E2F8: variants seen among roughly 807,000 people sequenced by gnomAD.
E2F8 encodes the protein E2F transcription factor 8.
E2F8 carries 35 observed loss-of-function variants against 80.8 expected under a neutral mutation model. The observed-to-expected ratio is 0.43, with a 90% CI of 0.33 to 0.57. The LOEUF (loss-of-function observed/expected upper bound fraction) is 0.57, where lower values mean the gene tolerates loss of function less well. Among genes scored for constraint, E2F8 ranks in the 20% least tolerant of loss-of-function variants. The pLI is 0.04. For missense variants in E2F8, 975 were observed against 1,056.2 expected (o/e 0.92, Z 1.07); for synonymous variants, 386 against 395.0 (o/e 0.98, Z 0.27).
chr11:19,230,315 C>G lies in E2F8; in HGVS notation c.1284G>C (p.Gln428His), dbSNP rs759147374. The change falls in exon 9 of 13, where the codon CAG (glutamine) becomes CAC (histidine). Residue 428 changes from glutamine to histidine, a missense_variant. Transcript: ENST00000250024. ...PIKTNKAESS[Q>H]NSAPFPSKMA... ...TTTTACTTGGGAAGGGTGCAGAATT[C>G]TGAGAACTCTCAGCTGGTAAAATAG... The G allele has an allele frequency of 6.2e-7, 1 of 1,613,854 alleles. No individual in the cohort carries two copies. Among genetic ancestry groups the G allele is most frequent in the South Asian group, 1.1e-5 (1 of 90,956 alleles).
rs749459092 is a variant in E2F8 at position 19,229,860 on chromosome 11, A to G, written c.1487T>C (p.Met496Thr). ...CAAGGGGCTGGGGATCAGGGGAACC[A>G]TTCCCAGGGGCTGGATGAGGGACGG... ...TAPSLIQPLG[M>T]VPLIPSPLSS... is the part of the protein sequence containing the mutation. Residue 496 changes from methionine to threonine, a missense_variant, in exon 10 of 13, where the codon ATG becomes ACG. Met to Thr is a moderately conservative substitution (Grantham distance 81). Coordinates refer to ENST00000250024, the MANE Select transcript of E2F8 (RefSeq NM_024680.4). This position sits in a 1 kb window ranked among gnomAD's most constrained non-coding sequence, Gnocchi z 4.3. 1.9e-6 allele frequency: 3 copies of G among 1,613,992 alleles called. No individual in the cohort carries two copies. The highest frequency in any genetic ancestry group is 3.3e-5 in the Admixed American group (2 of 60,014).
In E2F8 at chr11:19,230,644, G is replaced by C. The variant is rs568877282; in HGVS notation, c.1257C>G (p.Ile419Met). Residue 419 changes from isoleucine to methionine, a missense_variant, in exon 8 of 13, where the codon ATC becomes ATG. Ile to Met is a conservative substitution (Grantham distance 10). Transcript: ENST00000250024. ...CTGAAAACATACCTTTGTTGGTCTTGATAGGGCTACTGGGCGCAGAATTTA... is the reference window on the plus strand; with the variant it reads ...CTGAAAACATACCTTTGTTGGTCTTCATAGGGCTACTGGGCGCAGAATTTA... The part of the protein sequence containing the change: ...RKINSAPSSP[I>M]KTNKAESSQN... 7 of 1,614,044 alleles carry C rather than the reference G, an allele frequency of 4.3e-6. No homozygotes were observed. In the Admixed American group the frequency reaches 8.3e-5, roughly 19 times the overall value.
chr11:19,240,004 T>G, intron 2 of E2F8, 103 bp downstream of exon 2: 1 of 861,492 alleles, frequency 1.2e-6, no homozygotes, highest in Non-Finnish European at 1.7e-6. Context: ...TAACCAAGGT[T>G]GTGGCATTAA....
chr11:19,241,458 C>A, upstream of E2F8: 1 of 153,100 alleles, frequency 6.5e-6, no homozygotes, highest in South Asian at 1.9e-4. This position sits in a 1 kb window ranked among gnomAD's most constrained non-coding sequence, Gnocchi z 4.5. Context: ...CGGGACTCGT[C>A]AGCACCGCTG....
intron 4 of E2F8, among the ~76,000 whole-genome samples, chr11:19,237,004 A>C (rs776904608): frequency 5.3e-5 from 8 of 152,240 alleles, no homozygotes; most frequent in Non-Finnish European, 1.2e-4. Context: ...GAGAGCAATG[A>C]AGCAAAAGTT....
chr11:19,231,220 G>T (rs947629114), intron 7 of E2F8, among the ~76,000 whole-genome samples: 1 of 152,162 alleles, frequency 6.6e-6, no homozygotes, highest in African/African-American at 2.4e-5. Context: ...GCAGCCCTGT[G>T]TCGGAGATGA....
rs1270539632 is a variant in E2F8, at chr11:19,224,242, C to G, written c.*416G>C. On this transcript the variant is annotated 3_prime_UTR_variant, in exon 13 of 13. Coordinates refer to ENST00000250024, the MANE Select transcript of E2F8 (RefSeq NM_024680.4). Reference sequence around the variant, plus strand: ...CCCTATTTAAAAATACAACATTATACATCACACAGCATTTTCTTTGTGCAA... The same window carrying G: ...CCCTATTTAAAAATACAACATTATAGATCACACAGCATTTTCTTTGTGCAA... 1.3e-5 allele frequency: 2 copies of G among 154,286 alleles called. No homozygotes were observed. Among genetic ancestry groups the G allele is most frequent in the African/African-American group, 4.8e-5 (2 of 41,478 alleles). The allele number at this position is 154,286 out of a possible 1,614,324, so 9.6% of individuals were successfully genotyped here.
At chr11:19,232,126 A>T in intron 7 of E2F8, 108 bp downstream of exon 7, 2 of 1,465,952 alleles carry the variant, frequency 1.4e-6, no homozygotes, top group Non-Finnish European at 1.8e-6. Context: ...GAGTTGAACA[A>T]TGAGAACACA....
chr11:19,233,380 A>G (rs866963225), intron 6 of E2F8, among the ~76,000 whole-genome samples: 9 of 152,216 alleles, frequency 5.9e-5, no homozygotes, highest in Admixed American at 3.3e-4. Context: ...GGACAATTTT[A>G]TGAGTCATTT....
intron 2 of E2F8, among the ~76,000 whole-genome samples, chr11:19,239,380 C>T (rs1851603110): frequency 6.6e-6 from 1 of 152,122 alleles, no homozygotes. Context: ...TTTTTCTTTG[C>T]CTCAGATTAT....
rs769468949 is a variant in E2F8, at chr11:19,224,692, C to T, written c.2570G>A (p.Arg857Gln). Residue 857 changes from arginine to glutamine, a missense_variant, in exon 13 of 13, where the codon CGA becomes CAA. Coordinates refer to ENST00000250024, the MANE Select transcript of E2F8 (RefSeq NM_024680.4). ...ATCCTCTGTTGAGACTTCCAGTTTTCGCTGTGGGACAAAGAGAGTTCCTAA... is the reference window on the plus strand; with the variant it reads ...ATCCTCTGTTGAGACTTCCAGTTTTTGCTGTGGGACAAAGAGAGTTCCTAA... ...TSLGTLFVPQ[R>Q]KLEVSTEDVH 3.7e-6 allele frequency: 6 copies of T among 1,614,172 alleles called. No individual in the cohort carries two copies. In the Admixed American group the frequency reaches 5.0e-5, roughly 13 times the overall value.
chr11:19,234,236 AT>A (rs1389224900), intron 6 of E2F8, 123 bp downstream of exon 6: 25 of 1,097,230 alleles, frequency 2.3e-5, no homozygotes, highest in Non-Finnish European at 3.2e-5. Context: ...GGGAGAAGAT[AT>A]AAAAACATAA....
At position 19,225,332 on chromosome 11, in the gene E2F8, G is replaced by T. The variant is rs138183110; in HGVS notation, c.2310C>A (p.Val770=). 1 of 1,614,106 alleles carries T rather than the reference G, an allele frequency of 6.2e-7. No homozygotes were observed. Among genetic ancestry groups the T allele is most frequent in the Non-Finnish European group, 8.5e-7 (1 of 1,180,036 alleles). ...GCTGAGTGCCTGCATTTTCTGGTGC[G>T]ACATTAACAGACTCTATTCTTGGAG... The part of the protein sequence containing the change: ...PVSPRIESVN[V]APENAGTQQG... The change falls in exon 12 of 13, where the codon GTC becomes GTA. Residue 770 remains valine (V), a synonymous_variant. Transcript: ENST00000250024.
rs752452218 is a variant in E2F8 at position 19,237,850 on chromosome 11, C to G, written c.294+4G>C. ...AGCCTCCAACCAGTCCTCTGAAAAC[C>G]TACGTGTATACAGTCTTTGGCCTCA... On this transcript the variant is annotated splice_donor_region_variant and intron_variant, in intron 3 of 12. Transcript: ENST00000250024. The G allele has an allele frequency of 6.2e-7, 1 of 1,608,652 alleles. No individual in the cohort carries two copies. Among genetic ancestry groups the G allele is most frequent in the South Asian group, 1.1e-5 (1 of 90,632 alleles).
At position 19,234,849 on chromosome 11, in the gene E2F8, T is replaced by G; in HGVS notation, c.661A>C (p.Ile221Leu). 1 of 1,614,244 alleles carries G rather than the reference T, an allele frequency of 6.2e-7. No individual in the cohort carries two copies. The highest frequency in any genetic ancestry group is 2.2e-5 in the East Asian group (1 of 44,894). ...KKEYEQEFDFIKSYSIEDHII... is the reference protein window; with the variant it reads ...KKEYEQEFDFLKSYSIEDHII... ...TGATCCTCTATACTGTAACTCTTAA[T>G]AAAGTCAAACTCTTGCTCATATTCT... Residue 221 changes from isoleucine (I) to leucine (L), a missense_variant, in exon 5 of 13, where the codon ATT becomes CTT. Physicochemically the swap from Ile to Leu is conservative, Grantham distance 5. Transcript: ENST00000250024.
At chr11:19,236,413 C>T (rs950349153) in intron 4 of E2F8, among the ~76,000 whole-genome samples, 1 of 152,234 alleles carries the variant, frequency 6.6e-6, no homozygotes, top group Non-Finnish European at 1.5e-5. Context: ...ATCCTTTACT[C>T]AGTATCTATT....
chr11:19,238,007 C>T lies in E2F8; in HGVS notation c.141G>A (p.Lys47=), dbSNP rs1314416380. Residue 47 remains lysine (K), a synonymous_variant, in exon 3 of 13, where the codon AAG becomes AAA. Transcript: ENST00000250024. ...PDFGPLTTPT[K]PKEGSQGEPW... is the part of the protein sequence containing the mutation. ...GCTCTCCCTGAGAGCCTTCCTTGGG[C>T]TTGGTAGGTGTGGTTAAAGGGCCAA... The T allele has an allele frequency of 6.2e-7, 1 of 1,614,170 alleles. No homozygotes were observed. The highest frequency in any genetic ancestry group is 2.2e-5 in the East Asian group (1 of 44,886).
rs1471575509 is a variant in E2F8, at chr11:19,237,597, TG to T, written c.295-128del. The T allele has an allele frequency of 5.2e-6, 6 of 1,156,602 alleles. No homozygotes were observed. In the African/African-American group the frequency reaches 9.4e-5, roughly 18 times the overall value. 71.6% of individuals were successfully genotyped at this position (1,156,602 alleles called of 1,614,324 possible). ...AGCTTCAACAGCTGCAAAGTCTGGA[TG>T]GGAGAAAAGGTTAGGGGGGCCAGTA... is the stretch of plus-strand genomic sequence containing the variant. On this transcript the variant is annotated intron_variant, in intron 3 of 12. Coordinates refer to ENST00000250024, the MANE Select transcript of E2F8 (RefSeq NM_024680.4).
intron 10 of E2F8, among the ~76,000 whole-genome samples, chr11:19,226,418 G>A (rs1439688181): frequency 6.6e-6 from 1 of 152,216 alleles, no homozygotes; most frequent in African/African-American, 2.4e-5. Context: ...AATTCTCCAA[G>A]TGGGGCACAC....
Sources: allele counts gnomAD v4.1 joint callset (sites outside exome capture counted in the v4.1 genomes callset), GRCh38; gene constraint gnomAD v4.1.1; non-coding constraint Gnocchi (gnomAD v3.1); transcripts MANE v1.5; gene names NCBI Gene and HGNC (gene_info 2026-07-23, HGNC 2026-07-21).